Variants in LRRC27 observed in about 807,000 individuals in gnomAD.
The protein encoded by LRRC27 is leucine-rich repeat-containing protein 27.
Under a neutral mutation model 55.0 loss-of-function variants are expected in LRRC27, and 57 were observed. The ratio of observed to expected loss-of-function variants is 1.04; its 90% confidence interval spans 0.84 to 1.29. The LOEUF (loss-of-function observed/expected upper bound fraction) is 1.29. Ranked by LOEUF, LRRC27 falls within the 50% of genes most tolerant of loss-of-function variation. LRRC27 has a pLI of 0.00. For missense variants in LRRC27, 721 were observed against 651.5 expected (o/e 1.11, Z -1.16); for synonymous variants, 278 against 251.9 (o/e 1.10, Z -0.98).
At chr10:132,355,531 C>T (rs1340488766) in intron 7 of LRRC27, among the ~76,000 whole-genome samples, 4 of 152,204 alleles carry the variant, frequency 2.6e-5, no homozygotes, top group Non-Finnish European at 4.4e-5. Context: ...GTCACTGGGT[C>T]GGGTTGGCCC....
chr10:132,331,510 G>C (rs766824609), upstream of LRRC27: 6 of 1,612,804 alleles, frequency 3.7e-6, no homozygotes, highest in East Asian at 1.3e-4. Flanking sequence ...CTGAGTCTGC[G>C]TTCCCCTGGC....
At position 132,351,707 on chromosome 10, in the gene LRRC27, C is replaced by G; in HGVS notation, c.1027C>G (p.Leu343Val). The G allele has an allele frequency of 1.9e-6, 3 of 1,613,704 alleles. No individual in the cohort carries two copies. In the African/African-American group the frequency reaches 4.0e-5, roughly 22 times the overall value. Residue 343 changes from leucine to valine, a missense_variant, in exon 7 of 11, where the codon CTC becomes GTC. Transcript: ENST00000368614. ...ACTGGAAGAGAGCCGAGCGGCGGCG[C>G]TCCGAGAGCTCCAGGAGAAGCAGGC... Reference protein sequence around the residue: ...KRLEESRAAALRELQEKQALM... With the variant: ...KRLEESRAAAVRELQEKQALM...
chr10:132,340,124 C>T (rs367929047), intron 3 of LRRC27, among the ~76,000 whole-genome samples: 5 of 152,132 alleles, frequency 3.3e-5, no homozygotes, highest in Admixed American at 2.0e-4. Flanking sequence ...AGCATGGATC[C>T]GTTCATTTAC....
At position 132,344,511 on chromosome 10, in the gene LRRC27, G is replaced by C; in HGVS notation, c.414G>C (p.Thr138=). ...MLPVELGSVT[T]LKALNLRHCP... ...CCTCCACTGCAGGGAGCGTAACCAC[G>C]CTGAAAGCACTGAACCTAAGACACT... The change falls in exon 5 of 11, where the codon ACG becomes ACC. Residue 138 remains threonine, a synonymous_variant. Coordinates refer to ENST00000368614, the MANE Select transcript of LRRC27 (RefSeq NM_030626.3). 1.2e-6 allele frequency: 2 copies of C among 1,613,194 alleles called. No individual in the cohort carries two copies. The highest frequency in any genetic ancestry group is 1.7e-6 in the Non-Finnish European group (2 of 1,179,342).
At chr10:132,373,649 G>A (rs999146138) in intron 10 of LRRC27, among the ~76,000 whole-genome samples, 5 of 152,208 alleles carry the variant, frequency 3.3e-5, no homozygotes, top group African/African-American at 1.2e-4. Flanking sequence ...TTCTCCAGAA[G>A]CTACTGTAGA....
At chr10:132,345,061 A>T (rs1047522315) in intron 5 of LRRC27, among the ~76,000 whole-genome samples, 1 of 152,200 alleles carries the variant, frequency 6.6e-6, no homozygotes, top group East Asian at 1.9e-4. Flanking sequence ...CCCTGTAGAC[A>T]TGTTTTATCT....
rs1208203119 is a variant in LRRC27, at chr10:132,359,122, G to A, written c.1171-2335G>A. Among the ~76,000 whole-genome samples the A allele has an allele frequency of 3.3e-5, 4 of 122,878 alleles. 1 individual carries two copies. Among genetic ancestry groups the A allele is most frequent in the East Asian group, 6.9e-4 (2 of 2,890 alleles). 80.6% of individuals were successfully genotyped at this position (122,878 alleles called of 152,430 possible). A position where few individuals can be genotyped will look rare whatever the true frequency, so the allele number is the denominator to read the frequency against. ...AGCAGTGTGGGGAGGAGCCGAGGTG[G>A]TGGAGCGTGGGAAGGAGCCGAGGTG... On this transcript the variant is annotated intron_variant, in intron 8 of 10. Transcript: ENST00000368614.
At chr10:132,347,590 G>A (rs2067774714) in intron 5 of LRRC27, among the ~76,000 whole-genome samples, 1 of 151,100 alleles carries the variant, frequency 6.6e-6, no homozygotes, top group South Asian at 2.1e-4. Flanking sequence ...GGCCTGCGTG[G>A]GAGGGTCAGG....
At chr10:132,330,403 T>A, upstream of LRRC27, 1 of 716,832 alleles carries the variant, frequency 1.4e-6, no homozygotes, top group Non-Finnish European at 2.6e-6. Flanking sequence ...AACACCCATG[T>A]CACTCCTCAT....
chr10:132,362,610 G>A (rs1390974758), intron 9 of LRRC27, among the ~76,000 whole-genome samples: 2 of 152,050 alleles, frequency 1.3e-5, no homozygotes, highest in East Asian at 3.8e-4. Flanking sequence ...GGTTCCCGGG[G>A]GTTCACCCTT....
At chr10:132,358,987 G>A (rs867147328) in intron 8 of LRRC27, among the ~76,000 whole-genome samples, 2 of 55,200 alleles carry the variant, frequency 3.6e-5, no homozygotes, top group African/African-American at 1.6e-4. Context: ...GTGGTGGAGC[G>A]TGGGAAGGAG....
chr10:132,340,356 C>G (rs1173532948), intron 3 of LRRC27, among the ~76,000 whole-genome samples: 1 of 152,004 alleles, frequency 6.6e-6, no homozygotes, highest in Non-Finnish European at 1.5e-5. Flanking sequence ...TAAACATGCA[C>G]CCCCCGCAAT....
At chr10:132,353,354 T>TA in intron 7 of LRRC27, 2 of 1,081,476 alleles carry the variant, frequency 1.8e-6, no homozygotes, top group Admixed American at 4.6e-5. Context: ...CCCCTGTGGC[T>TA]CACCTGCTCC....
chr10:132,380,202 A>G lies in LRRC27; in HGVS notation c.*4960A>G, dbSNP rs952539516. Among the ~76,000 whole-genome samples the G allele has an allele frequency of 1.3e-5, 2 of 152,156 alleles. No individual in the cohort carries two copies. Among genetic ancestry groups the G allele is most frequent in the Admixed American group, 1.3e-4 (2 of 15,278 alleles). The stretch of plus-strand genomic sequence containing the variant: ...CTCCAGCTACTTGGGAGGCTGAGGC[A>G]GGAGAATCACTTGAACCCGGAAGGC... On this transcript the variant is annotated 3_prime_UTR_variant, in exon 11 of 11. Coordinates refer to ENST00000368614, the MANE Select transcript of LRRC27 (RefSeq NM_030626.3).
At chr10:132,364,676 GCTTACACCCACGTCCACACCGTGGGGC>G (rs2068933241) in intron 9 of LRRC27, among the ~76,000 whole-genome samples, 1 of 22,192 alleles carries the variant, frequency 4.5e-5, no homozygotes, top group African/African-American at 1.3e-4. Context: ...GCACACCCAC[GCTTACACCCACGTCCACACCGTGGGGC>G]CCCACACTCA....
chr10:132,336,957 T>C, intron 2 of LRRC27: 1 of 643,000 alleles, frequency 1.6e-6, no homozygotes, highest in Non-Finnish European at 2.5e-6. Context: ...CGTGTATACG[T>C]TCATCTTCCA....
At chr10:132,349,281 C>T (rs1222275394) in intron 6 of LRRC27, among the ~76,000 whole-genome samples, 1 of 152,210 alleles carries the variant, frequency 6.6e-6, no homozygotes, top group African/African-American at 2.4e-5. Flanking sequence ...ACGCAGCGTC[C>T]AGCACGAGCA....
At chr10:132,331,634 C>A (rs7080014), upstream of LRRC27, 1 of 1,612,306 alleles carries the variant, frequency 6.2e-7, no homozygotes. Flanking sequence ...CAGCGAGGAC[C>A]GCTCCAAAGG....
rs1317965378 is a variant in LRRC27 at position 132,375,413 on chromosome 10, A to C, written c.*171A>C. 1.1e-5 allele frequency: 6 copies of C among 569,274 alleles called. No individual in the cohort carries two copies. Among genetic ancestry groups the C allele is most frequent in the Non-Finnish European group, 9.1e-6 (3 of 328,794 alleles). The allele number at this position is 569,274 out of a possible 1,614,324, so 35.3% of individuals were successfully genotyped here. On this transcript the variant is annotated 3_prime_UTR_variant, in exon 11 of 11. Coordinates refer to ENST00000368614, the MANE Select transcript of LRRC27 (RefSeq NM_030626.3). ...TAGACAGGTCCACGTCCCTCTCCTGAGGCTGTGGAAGATTTCAGCCGTATT... is the reference window on the plus strand; with the variant it reads ...TAGACAGGTCCACGTCCCTCTCCTGCGGCTGTGGAAGATTTCAGCCGTATT...
Sources: gnomAD v4.1 joint callset for allele counts (sites outside exome capture counted in the v4.1 genomes callset) on GRCh38, gnomAD v4.1.1 for gene constraint, MANE v1.5 for transcripts, NCBI Gene and HGNC (gene_info 2026-07-23, HGNC 2026-07-21) for gene names.